The following NT5M variants were observed in gnomAD, a reference collection of about 807,000 sequenced individuals.
NT5M encodes the protein 5'(3')-deoxyribonucleotidase, mitochondrial.
Under a neutral mutation model 22.2 loss-of-function variants are expected in NT5M, and 22 were observed. The observed-to-expected ratio is 0.99, with a 90% CI of 0.71 to 1.41. The LOEUF is 1.41. Ranked by LOEUF, NT5M falls within the 40% of genes most tolerant of loss-of-function variation. The pLI is 0.00. For missense variants in NT5M, 322 were observed against 314.8 expected, an observed-to-expected ratio of 1.02 and a Z score of -0.17; for synonymous variants, 167 against 133.0, an observed-to-expected ratio of 1.26 and a Z score of -1.76.
intron 2 of NT5M, among the ~76,000 whole-genome samples, chr17:17,313,074 G>T (rs971535111): frequency 6.6e-6 from 1 of 151,856 alleles, no homozygotes; most frequent in South Asian, 2.1e-4. Context: ...GTTCGAGACC[G>T]GCCTGACCAA....
chr17:17,319,726 C>T (rs933974625), intron 2 of NT5M, among the ~76,000 whole-genome samples: 3 of 89,894 alleles, frequency 3.3e-5, no homozygotes, highest in African/African-American at 3.0e-5. Flanking sequence ...CAGGGAGGGA[C>T]GGGAGGGACA....
At chr17:17,342,254 C>A in intron 3 of NT5M, among the ~76,000 whole-genome samples, 1 of 152,160 alleles carries the variant, frequency 6.6e-6, no homozygotes, top group Non-Finnish European at 1.5e-5. Flanking sequence ...ACAAACAGCC[C>A]ACTTTGTTTT....
chr17:17,325,588 C>G (rs898588305), intron 3 of NT5M, among the ~76,000 whole-genome samples: 1 of 152,212 alleles, frequency 6.6e-6, no homozygotes, highest in African/African-American at 2.4e-5. Context: ...ACTGCCTGCT[C>G]CTTTCAGTTC....
chr17:17,347,053 G>A lies in NT5M; in HGVS notation c.*106G>A. ...TCTGGGAGTCCCTCCTAGACTCCTG[G>A]GCCCCATGACCTCCTGCTGCATGTC... On this transcript the variant is annotated 3_prime_UTR_variant, in exon 5 of 5. Coordinates refer to ENST00000389022, the MANE Select transcript of NT5M (RefSeq NM_020201.4). The A allele has an allele frequency of 1.4e-6, 2 of 1,398,114 alleles. No individual in the cohort carries two copies. Among genetic ancestry groups the A allele is most frequent in the East Asian group, 2.4e-5 (1 of 41,126 alleles). 86.6% of individuals were successfully genotyped at this position (1,398,114 alleles called of 1,614,324 possible).
intron 3 of NT5M, among the ~76,000 whole-genome samples, chr17:17,342,037 GAAA>G (rs77325414): frequency 7.1e-6 from 1 of 140,368 alleles, no homozygotes; most frequent in Non-Finnish European, 1.6e-5. Context: ...TCAAAAAAAA[GAAA>G]AAAAAAAATT....
chr17:17,305,401 C>CG, intron 1 of NT5M, among the ~76,000 whole-genome samples: 1 of 127,278 alleles, frequency 7.9e-6, no homozygotes, highest in African/African-American at 2.8e-5. Flanking sequence ...ACCGCCCCCC[C>CG]CCCCCCGCCC....
At chr17:17,330,538 G>A in intron 3 of NT5M, among the ~76,000 whole-genome samples, 1 of 151,496 alleles carries the variant, frequency 6.6e-6, no homozygotes. Context: ...ACCATGCCCG[G>A]CTAATTTTTG....
chr17:17,328,668 G>A (rs1248831125), intron 3 of NT5M, among the ~76,000 whole-genome samples: 1 of 152,174 alleles, frequency 6.6e-6, no homozygotes. Context: ...CCACTGAGTA[G>A]GTTCAGCCTT....
chr17:17,347,060 T>C lies in NT5M; in HGVS notation c.*113T>C. 7.6e-7 allele frequency: 1 copy of C among 1,322,128 alleles called. No individual in the cohort carries two copies. The highest frequency in any genetic ancestry group is 1.0e-6 in the Non-Finnish European group (1 of 975,998). The allele number at this position is 1,322,128 out of a possible 1,614,324, so 81.9% of individuals were successfully genotyped here. A position where few individuals can be genotyped will look rare whatever the true frequency, so the allele number is the denominator to read the frequency against. On this transcript the variant is annotated 3_prime_UTR_variant, in exon 5 of 5. Coordinates refer to ENST00000389022, the MANE Select transcript of NT5M (RefSeq NM_020201.4). ...GTCCCTCCTAGACTCCTGGGCCCCA[T>C]GACCTCCTGCTGCATGTCCCTTCCC... is the stretch of plus-strand genomic sequence containing the variant.
At chr17:17,305,621 G>A (rs1440314743) in intron 1 of NT5M, among the ~76,000 whole-genome samples, 1 of 152,066 alleles carries the variant, frequency 6.6e-6, no homozygotes, top group Non-Finnish European at 1.5e-5. Flanking sequence ...CATGTGACAG[G>A]GTGGCTGTCT....
intron 3 of NT5M, among the ~76,000 whole-genome samples, chr17:17,343,474 G>A (rs979729183): frequency 1.3e-5 from 2 of 152,248 alleles, no homozygotes; most frequent in Admixed American, 1.3e-4. Flanking sequence ...CCCACGTCCC[G>A]TGTGCTGGCC....
chr17:17,304,725 C>T (rs1271446300), intron 1 of NT5M, among the ~76,000 whole-genome samples: 1 of 152,132 alleles, frequency 6.6e-6, no homozygotes, highest in Non-Finnish European at 1.5e-5. Context: ...AAGTCACATG[C>T]TGCTCAGGGG....
chr17:17,337,252 G>A (rs1027486076), intron 3 of NT5M, among the ~76,000 whole-genome samples: 1 of 152,006 alleles, frequency 6.6e-6, no homozygotes, highest in Non-Finnish European at 1.5e-5. Context: ...CTTTTGTTTT[G>A]TGTTGTTGAG....
chr17:17,344,967 C>T lies in NT5M; in HGVS notation c.544+59C>T, dbSNP rs188448559. 2,402 of 1,607,588 alleles carry T rather than the reference C, an allele frequency of 1.5e-3. 2 individuals are homozygous for T. Among genetic ancestry groups the T allele is most frequent in the Non-Finnish European group, 1.9e-3 (2,281 of 1,177,040 alleles). The stretch of plus-strand genomic sequence containing the variant: ...GGAGGGCCCCAGCCTTGGCCCCCTT[C>T]TCCTGGGCAGTGAGCACTCAGTTGC... On this transcript the variant is annotated intron_variant, in intron 4 of 4. Coordinates refer to ENST00000389022, the MANE Select transcript of NT5M (RefSeq NM_020201.4).
intron 3 of NT5M, among the ~76,000 whole-genome samples, chr17:17,339,083 T>G (rs1209046253): frequency 6.6e-6 from 1 of 152,246 alleles, no homozygotes; most frequent in Non-Finnish European, 1.5e-5. Context: ...TTGGGTAGTA[T>G]GAACATTTTA....
At chr17:17,326,774 G>T (rs2049276286) in intron 3 of NT5M, among the ~76,000 whole-genome samples, 1 of 152,202 alleles carries the variant, frequency 6.6e-6, no homozygotes, top group African/African-American at 2.4e-5. Flanking sequence ...AGATGCTGTT[G>T]CCAGAAGAAG....
In NT5M at chr17:17,347,044, A is replaced by G; in HGVS notation, c.*97A>G. ...GTATGCTGGTCTGGGAGTCCCTCCTAGACTCCTGGGCCCCATGACCTCCTG... is the reference window on the plus strand; with the variant it reads ...GTATGCTGGTCTGGGAGTCCCTCCTGGACTCCTGGGCCCCATGACCTCCTG... On this transcript the variant is annotated 3_prime_UTR_variant, in exon 5 of 5. Transcript: ENST00000389022. The G allele has an allele frequency of 6.8e-7, 1 of 1,460,036 alleles. No individual in the cohort carries two copies. Among genetic ancestry groups the G allele is most frequent in the South Asian group, 1.3e-5 (1 of 77,230 alleles). 90.4% of individuals were successfully genotyped at this position (1,460,036 alleles called of 1,614,324 possible).
intron 1 of NT5M, among the ~76,000 whole-genome samples, chr17:17,305,186 C>T (rs924631082): frequency 2.6e-5 from 4 of 152,088 alleles, no homozygotes; most frequent in African/African-American, 9.7e-5. Context: ...AGTGCAGCAG[C>T]TTTTCCAGTT....
intron 2 of NT5M, among the ~76,000 whole-genome samples, chr17:17,312,359 C>T (rs527242070): frequency 7.2e-5 from 11 of 152,138 alleles, no homozygotes; most frequent in South Asian, 2.1e-4. Context: ...AGTATTCTAG[C>T]GGCCAGGCAC....
Sources: allele counts gnomAD v4.1 joint callset (sites outside exome capture counted in the v4.1 genomes callset), GRCh38; gene constraint gnomAD v4.1.1; transcripts MANE v1.5; gene names NCBI Gene and HGNC (gene_info 2026-07-23, HGNC 2026-07-21).